The following TDRD3 variants were observed in gnomAD, a reference collection of about 807,000 sequenced individuals.
The protein encoded by TDRD3 is tudor domain containing 3, also known as tudor domain-containing protein 3.
A neutral mutation model predicts 86.7 loss-of-function variants in TDRD3; 45 were observed. The observed-to-expected ratio is 0.52, with a 90% CI of 0.41 to 0.67. The LOEUF is 0.67. Ranked by LOEUF, TDRD3 falls within the 30% of genes least tolerant of loss-of-function variation. The probability of loss-of-function intolerance (pLI) is 0.00; values close to 1 mark genes in which losing one functional copy is unlikely to be tolerated. For synonymous variants in TDRD3, 298 were observed against 301.7 expected, an observed-to-expected ratio of 0.99 and a Z score of 0.13; for missense variants, 814 against 889.0, an observed-to-expected ratio of 0.92 and a Z score of 1.07.
chr13:60,572,508 C>A (rs1385069109), intron 13 of TDRD3, among the ~76,000 whole-genome samples: 1 of 152,120 alleles, frequency 6.6e-6, no homozygotes, highest in Non-Finnish European at 1.5e-5. Context: ...AGTTGCATGT[C>A]CTGCTGTGAA....
chr13:60,483,793 A>G lies in TDRD3; in HGVS notation c.514A>G (p.Arg172Gly). 1.2e-6 allele frequency: 2 copies of G among 1,612,952 alleles called. No individual in the cohort carries two copies. The highest frequency in any genetic ancestry group is 1.7e-6 in the Non-Finnish European group (2 of 1,179,370). The change falls in exon 6 of 14, where the codon AGA (arginine) becomes GGA (glycine). Residue 172 changes from arginine to glycine, a missense_variant. Arg to Gly is a moderately radical substitution (Grantham distance 125). Coordinates refer to ENST00000377881, the MANE Select transcript of TDRD3 (RefSeq NM_001146070.2). ...ELQRSLSKHN[R>G]SNIGTEGGPP... ...TCCGCAGAGCTTATCAAAACACAAT[A>G]GAAGCAATATTGGAACTGAAGGTGG...
At chr13:60,513,432 A>C (rs1595051681) in intron 10 of TDRD3, among the ~76,000 whole-genome samples, 2 of 152,306 alleles carry the variant, frequency 1.3e-5, no homozygotes, top group Non-Finnish European at 2.9e-5. Context: ...TTTGCAGCTG[A>C]CTTGGATTTC....
At position 60,573,682 on chromosome 13, in the gene TDRD3, CT is replaced by C; in HGVS notation, c.*79del. 1.0e-6 allele frequency: 1 copy of C among 982,594 alleles called. No individual in the cohort carries two copies. The highest frequency in any genetic ancestry group is 1.2e-6 in the Non-Finnish European group (1 of 827,390). 60.9% of individuals were successfully genotyped at this position (982,594 alleles called of 1,614,324 possible). ...TGGAAACCTGTTGACAGACCTTCCA[CT>C]TTCTCTTCAGAATAAGTAGCTGTGG... On this transcript the variant is annotated 3_prime_UTR_variant, in exon 14 of 14. Coordinates refer to ENST00000377881, the MANE Select transcript of TDRD3 (RefSeq NM_001146070.2).
chr13:60,420,673 T>A (rs1739509157), intron 1 of TDRD3, among the ~76,000 whole-genome samples: 1 of 152,142 alleles, frequency 6.6e-6, no homozygotes, highest in South Asian at 2.1e-4. Flanking sequence ...CTGGGCGTGG[T>A]GGCTGATGCC....
intron 1 of TDRD3, among the ~76,000 whole-genome samples, chr13:60,409,161 AGGTTTGAGAATC>A (rs1954301735): frequency 6.6e-6 from 1 of 152,250 alleles, no homozygotes; most frequent in African/African-American, 2.4e-5. Context: ...TCAAGAATTC[AGGTTTGAGAATC>A]TCTACCTAGA....
chr13:60,396,198 G>T (rs1008524624), upstream of TDRD3, among the ~76,000 whole-genome samples: 1 of 152,204 alleles, frequency 6.6e-6, no homozygotes, highest in Non-Finnish European at 1.5e-5. Flanking sequence ...CGGAGATAGG[G>T]ATTAAGTTCC....
At chr13:60,454,355 C>A (rs1041475315) in intron 3 of TDRD3, among the ~76,000 whole-genome samples, 2 of 152,038 alleles carry the variant, frequency 1.3e-5, no homozygotes, top group African/African-American at 4.8e-5. Context: ...TTGATACTTA[C>A]AAATTCTCAA....
At chr13:60,563,668 A>ACT (rs1292105922) in intron 12 of TDRD3, among the ~76,000 whole-genome samples, 2 of 152,070 alleles carry the variant, frequency 1.3e-5, no homozygotes, top group Non-Finnish European at 2.9e-5. Context: ...TCACTTGAGA[A>ACT]CTCTTTCCTT....
intron 10 of TDRD3, among the ~76,000 whole-genome samples, chr13:60,512,368 A>G (rs532964056): frequency 6.6e-6 from 1 of 152,228 alleles, no homozygotes; most frequent in South Asian, 2.1e-4. Flanking sequence ...GCCAAACCAT[A>G]TCGTTCCACC....
intron 1 of TDRD3, among the ~76,000 whole-genome samples, chr13:60,419,619 T>C (rs7319237): frequency 0.48 from 72,862 of 151,348 alleles, 17,956 homozygotes; most frequent in South Asian, 0.55. Flanking sequence ...CATCACACAC[T>C]GAGGCCTGTT....
In TDRD3 at chr13:60,562,256, C is replaced by T. The variant is rs111306064; in HGVS notation, c.2119-5269C>T. ...TGAATCCAGGAGGTGGAGGTTGCAG[C>T]GAGCCAAGATTGCACCACTGCATTC... On this transcript the variant is annotated intron_variant, in intron 12 of 13. Coordinates refer to ENST00000377881, the MANE Select transcript of TDRD3 (RefSeq NM_001146070.2). 7.2e-4 allele frequency among the ~76,000 whole-genome samples: 109 copies of T among 151,816 alleles called. 1 individual carries two copies. The highest frequency in any genetic ancestry group is 2.5e-3 in the African/African-American group (103 of 41,406).
Position 60,486,327 on chromosome 13 carries a change from T to C in TDRD3, c.717+379T>C, listed in dbSNP as rs894167306. Among the ~76,000 whole-genome samples, 4 of 152,192 alleles carry C rather than the reference T, an allele frequency of 2.6e-5. No individual in the cohort carries two copies. The South Asian group carries it at 6.2e-4, about 24-fold the overall frequency. ...ATTTCCCCTTATTAATAGCAACTTA[T>C]GAGAAATAGCAGCTTCTGAGAGATG... On this transcript the variant is annotated intron_variant, in intron 7 of 13. Transcript: ENST00000377881.
intron 1 of TDRD3, among the ~76,000 whole-genome samples, chr13:60,405,325 A>C (rs539178079): frequency 6.6e-6 from 1 of 152,308 alleles, no homozygotes; most frequent in South Asian, 2.1e-4. Context: ...GTATAGTCAG[A>C]TATAGTCTTA....
chr13:60,536,480 T>C (rs187641987), intron 12 of TDRD3: 22 of 152,146 alleles, frequency 1.4e-4, no homozygotes, highest in Admixed American at 6.5e-4. Flanking sequence ...TTCTGAGAGG[T>C]TCTCATATGA....
chr13:60,555,848 C>CTTT lies in TDRD3; in HGVS notation c.2119-11676_2119-11674dup, dbSNP rs770710929. On this transcript the variant is annotated intron_variant, in intron 12 of 13. Transcript: ENST00000377881. The stretch of plus-strand genomic sequence containing the variant: ...GGTAGGAAAAAAAACCAACCTATTT[C>CTTT]TTTCTTTTTTTTTTTTTTTTGAGAT... Among the ~76,000 whole-genome samples, 928 of 136,024 alleles carry CTTT rather than the reference C, an allele frequency of 6.8e-3. 38 individuals are homozygous for CTTT. The highest frequency in any genetic ancestry group is 0.017 in the African/African-American group (606 of 36,266). 89.2% of individuals were successfully genotyped at this position (136,024 alleles called of 152,430 possible). A position where few individuals can be genotyped will look rare whatever the true frequency, so the allele number is the denominator to read the frequency against.
chr13:60,439,631 G>A (rs76190678), intron 1 of TDRD3, 57 bp from the exon 2 acceptor site: 1 of 1,373,602 alleles, frequency 7.3e-7, no homozygotes, highest in South Asian at 1.4e-5. Context: ...GTAGACTTAA[G>A]AATTTTGGTT....
chr13:60,436,384 T>A (rs1955106871), intron 1 of TDRD3, among the ~76,000 whole-genome samples: 1 of 152,158 alleles, frequency 6.6e-6, no homozygotes, highest in Admixed American at 6.5e-5. Context: ...CATGAAAATG[T>A]TTAGAATTTT....
intron 7 of TDRD3, among the ~76,000 whole-genome samples, chr13:60,492,552 C>T (rs1273882197): frequency 5.3e-5 from 8 of 152,202 alleles, no homozygotes; most frequent in Admixed American, 1.3e-4. Context: ...AAGTCCCAGC[C>T]TTGTCTAGTT....
chr13:60,549,392 A>C (rs962170275), intron 12 of TDRD3, among the ~76,000 whole-genome samples: 2 of 152,094 alleles, frequency 1.3e-5, no homozygotes, highest in African/African-American at 4.8e-5. Flanking sequence ...TTGCCCTAGG[A>C]TGTCAGCAAA....
Sources: allele counts gnomAD v4.1 joint callset (sites outside exome capture counted in the v4.1 genomes callset), GRCh38; gene constraint gnomAD v4.1.1; transcripts MANE v1.5; gene names NCBI Gene and HGNC (gene_info 2026-07-23, HGNC 2026-07-21).